WDR27: variants seen among roughly 807,000 people sequenced by gnomAD.
WDR27 encodes the protein WD repeat-containing protein 27.
Under a neutral mutation model 114.4 loss-of-function variants are expected in WDR27, and 100 were observed. The observed-to-expected ratio is 0.87, with a 90% confidence interval of 0.74 to 1.03. The LOEUF is 1.03. Ranked by LOEUF, WDR27 falls within the 50% of genes least tolerant of loss-of-function variation. The pLI is 0.00. For synonymous variants in WDR27, 449 were observed against 423.1 expected (o/e 1.06, Z -0.75); for missense variants, 1,129 against 1,092.9 (o/e 1.03, Z -0.47).
At chr6:169,439,035 A>G in the WDR27 span, among the ~76,000 whole-genome samples, 10 of 152,174 alleles carry the variant, frequency 6.6e-5, no homozygotes, top group African/African-American at 2.4e-4. Context: ...CTTCCCCAAA[A>G]TCAAATTCTA....
intron 25 of WDR27, among the ~76,000 whole-genome samples, chr6:169,488,903 C>G (rs1043881351): frequency 1.3e-5 from 2 of 151,166 alleles, no homozygotes; most frequent in Non-Finnish European, 1.5e-5. Context: ...AATGTAAACT[C>G]ACTCCAGTGT....
At chr6:169,688,780 G>A in intron 2 of WDR27, 37 bp downstream of exon 2, 1 of 1,513,918 alleles carries the variant, frequency 6.6e-7, no homozygotes, top group Non-Finnish European at 8.9e-7. Context: ...ACAAGGGCAA[G>A]GCCTTCATGA....
chr6:169,672,753 T>C (rs1779077315), intron 2 of WDR27, among the ~76,000 whole-genome samples: 1 of 151,982 alleles, frequency 6.6e-6, no homozygotes, highest in South Asian at 2.1e-4. Flanking sequence ...AGGGGAGCAA[T>C]GAGGTCCCTG....
intron 23 of WDR27, among the ~76,000 whole-genome samples, chr6:169,584,032 C>T (rs1804080937): frequency 6.6e-6 from 1 of 152,146 alleles, no homozygotes; most frequent in African/African-American, 2.4e-5. Flanking sequence ...CTCGCAGCTG[C>T]TGTTTCGTAT....
At chr6:169,594,961 C>T (rs1278097184) in intron 23 of WDR27, among the ~76,000 whole-genome samples, 2 of 152,108 alleles carry the variant, frequency 1.3e-5, no homozygotes, top group African/African-American at 4.8e-5. Flanking sequence ...GGCCTGAAGC[C>T]AATTGTTTGA....
In WDR27 at chr6:169,665,206, C is replaced by T. The variant is rs531495697; in HGVS notation, c.783+280G>A. ...CACAGCCCTCTTCTCAGCAGGTTTT[C>T]AGGGTCACGTGAGTGGCCCTCACTT... On this transcript the variant is annotated intron_variant, in intron 7 of 25. Transcript: ENST00000448612. 3 of 1,168,228 alleles carry T rather than the reference C, an allele frequency of 2.6e-6. No homozygotes were observed. In the South Asian group the frequency reaches 9.4e-5, roughly 37 times the overall value. The allele number at this position is 1,168,228 out of a possible 1,614,324, so 72.4% of individuals were successfully genotyped here.
At chr6:169,456,085 T>C (rs1784335470), downstream of WDR27, among the ~76,000 whole-genome samples, 1 of 152,244 alleles carries the variant, frequency 6.6e-6, no homozygotes, top group Non-Finnish European at 1.5e-5. This position sits in a 1 kb window ranked among gnomAD's most constrained non-coding sequence, Gnocchi z 4.0. Context: ...CTGGGCTTTC[T>C]ACATCTGCTT....
intron 16 of WDR27, among the ~76,000 whole-genome samples, chr6:169,646,534 G>A (rs146447546): frequency 2.1e-3 from 326 of 152,262 alleles, no homozygotes; most frequent in African/African-American, 7.1e-3. Flanking sequence ...ATCACCGGAC[G>A]TCAGGAGTTT....
chr6:169,602,323 T>G lies in WDR27; in HGVS notation c.2322-2A>C, dbSNP rs1808179499. On this transcript the variant is annotated splice_acceptor_variant, in intron 22 of 25. Coordinates refer to ENST00000448612, the MANE Select transcript of WDR27 (RefSeq NM_182552.5). LOFTEE classifies it high-confidence loss of function. Reference sequence around the variant, plus strand: ...TGCCCTTCAAAGTGGCGCTCACACCTACAGGGAGGAAAGAAACACCAGGAG... The same window carrying G: ...TGCCCTTCAAAGTGGCGCTCACACCGACAGGGAGGAAAGAAACACCAGGAG... The G allele has an allele frequency of 6.6e-7, 1 of 1,514,700 alleles. No homozygotes were observed. Among genetic ancestry groups the G allele is most frequent in the Non-Finnish European group, 9.0e-7 (1 of 1,116,370 alleles). 93.8% of individuals were successfully genotyped at this position (1,514,700 alleles called of 1,614,324 possible). A position where few individuals can be genotyped will look rare whatever the true frequency, so the allele number is the denominator to read the frequency against.
At chr6:169,596,951 G>T (rs1368136955) in intron 23 of WDR27, among the ~76,000 whole-genome samples, 15 of 152,052 alleles carry the variant, frequency 9.9e-5, no homozygotes, top group Admixed American at 3.3e-4. Flanking sequence ...TATCATTTTT[G>T]ATTTATATAT....
At chr6:169,532,958 GCAAAAA>G (rs980012234) in intron 25 of WDR27, among the ~76,000 whole-genome samples, 22 of 152,104 alleles carry the variant, frequency 1.4e-4, no homozygotes, top group Admixed American at 7.2e-4. Flanking sequence ...ACAGTTTATG[GCAAAAA>G]CAAAAACAAA....
At chr6:169,692,649 T>C (rs1784810260) in intron 1 of WDR27, among the ~76,000 whole-genome samples, 3 of 152,270 alleles carry the variant, frequency 2.0e-5, no homozygotes, top group South Asian at 2.1e-4. Context: ...GTGAGGCCTT[T>C]CACTACCGGC....
At chr6:169,551,839 C>T (rs547039897) in intron 25 of WDR27, among the ~76,000 whole-genome samples, 6 of 152,028 alleles carry the variant, frequency 3.9e-5, no homozygotes, top group Non-Finnish European at 8.8e-5. Context: ...AGGTCGCTTG[C>T]GTCATAACCA....
chr6:169,520,542 T>C (rs1159775616), intron 25 of WDR27, among the ~76,000 whole-genome samples: 1 of 151,660 alleles, frequency 6.6e-6, no homozygotes, highest in Non-Finnish European at 1.5e-5. Flanking sequence ...ACCTCAAACA[T>C]ACAAAGCTGG....
At chr6:169,524,193 A>G (rs1794706395) in intron 25 of WDR27, among the ~76,000 whole-genome samples, 1 of 152,200 alleles carries the variant, frequency 6.6e-6, no homozygotes, top group East Asian at 1.9e-4. Flanking sequence ...AATAGCTACA[A>G]AGAATATAAA....
At chr6:169,608,602 CAT>C (rs1402291345) in intron 22 of WDR27, among the ~76,000 whole-genome samples, 3 of 152,156 alleles carry the variant, frequency 2.0e-5, no homozygotes, top group Non-Finnish European at 2.9e-5. Context: ...AAACTGCCCA[CAT>C]GATTCAATTA....
At chr6:169,631,548 C>T (rs1319912875) in intron 21 of WDR27, among the ~76,000 whole-genome samples, 1 of 152,146 alleles carries the variant, frequency 6.6e-6, no homozygotes, top group African/African-American at 2.4e-5. Flanking sequence ...CTTCCGCAGG[C>T]AGTCTCCCCA....
At chr6:169,613,485 G>A (rs748262485) in intron 22 of WDR27, 74 bp downstream of exon 22, 36 of 1,228,872 alleles carry the variant, frequency 2.9e-5, no homozygotes, top group South Asian at 3.8e-5. Context: ...CATCACATTC[G>A]GAAAAGAGAT....
chr6:169,430,529 A>G, the WDR27 span, among the ~76,000 whole-genome samples: 1 of 152,350 alleles, frequency 6.6e-6, no homozygotes, highest in East Asian at 1.9e-4. Flanking sequence ...GAAACCTAGT[A>G]GGCCTCATTA....
Sources: allele counts gnomAD v4.1 joint callset (sites outside exome capture counted in the v4.1 genomes callset), GRCh38; gene constraint gnomAD v4.1.1; non-coding constraint Gnocchi (gnomAD v3.1); transcripts MANE v1.5; gene names NCBI Gene and HGNC (gene_info 2026-07-23, HGNC 2026-07-21).